The following EDIL3 variants were observed in gnomAD, a reference collection of about 807,000 sequenced individuals.
EDIL3 encodes the protein EGF like and discoidin domains 3.
Under a neutral mutation model 67.4 loss-of-function variants are expected in EDIL3, and 37 were observed. The ratio of observed to expected loss-of-function variants is 0.55; its 90% CI spans 0.42 to 0.72. EDIL3 has a LOEUF of 0.72. EDIL3 is among the 30% of genes least tolerant of loss of function. EDIL3 has a pLI of 0.00. For missense variants in EDIL3, 527 were observed against 586.3 expected, an observed-to-expected ratio of 0.90 and a Z score of 1.04; for synonymous variants, 195 against 196.3, an observed-to-expected ratio of 0.99 and a Z score of 0.05.
chr5:84,023,129 C>A (rs1745748324), intron 9 of EDIL3, among the ~76,000 whole-genome samples: 1 of 151,908 alleles, frequency 6.6e-6, no homozygotes, highest in Non-Finnish European at 1.5e-5. Flanking sequence ...TAACGTACAA[C>A]ACGAGTGATG....
chr5:84,148,314 A>G (rs893325800), intron 4 of EDIL3, among the ~76,000 whole-genome samples: 19 of 152,206 alleles, frequency 1.2e-4, no homozygotes, highest in African/African-American at 4.6e-4. Context: ...GAATTTTTAT[A>G]AATATTCTAC....
intron 9 of EDIL3, among the ~76,000 whole-genome samples, chr5:83,991,249 C>T (rs1208613615): frequency 6.6e-6 from 1 of 152,240 alleles, no homozygotes; most frequent in Admixed American, 6.5e-5. Flanking sequence ...CCTGGTTGAA[C>T]TGCAAGAAAC....
chr5:84,362,954 T>C (rs1747643881), intron 1 of EDIL3, among the ~76,000 whole-genome samples: 1 of 147,844 alleles, frequency 6.8e-6, no homozygotes, highest in African/African-American at 2.7e-5. Flanking sequence ...ATTTTATGTT[T>C]TTGTTTTTCT....
chr5:84,040,418 C>T (rs1746099175), intron 9 of EDIL3, among the ~76,000 whole-genome samples: 1 of 151,306 alleles, frequency 6.6e-6, no homozygotes, highest in African/African-American at 2.4e-5. Context: ...TTCAGAATAT[C>T]TGTTATTGTG....
At chr5:84,030,921 AAAC>A (rs1745909164) in intron 9 of EDIL3, among the ~76,000 whole-genome samples, 2 of 147,146 alleles carry the variant, frequency 1.4e-5, no homozygotes, top group African/African-American at 4.9e-5. Context: ...TGGCTTAAAA[AAAC>A]AACATTTTTT....
intron 7 of EDIL3, 45 bp downstream of exon 7, chr5:84,066,406 C>T (rs1746641544): frequency 6.5e-7 from 1 of 1,534,268 alleles, no homozygotes. Context: ...CAATAATTAT[C>T]AATGACATTT....
At chr5:84,095,608 A>C (rs778425614) in intron 6 of EDIL3, among the ~76,000 whole-genome samples, 7 of 152,242 alleles carry the variant, frequency 4.6e-5, no homozygotes, top group Non-Finnish European at 8.8e-5. Context: ...CTGGCAGAAG[A>C]AATTTCTAAG....
chr5:84,295,819 T>C (rs1272879539), intron 1 of EDIL3, among the ~76,000 whole-genome samples: 1 of 152,172 alleles, frequency 6.6e-6, no homozygotes, highest in Non-Finnish European at 1.5e-5. Flanking sequence ...AATGGAAGCA[T>C]TTTGAATACC....
intron 1 of EDIL3, among the ~76,000 whole-genome samples, chr5:84,255,668 C>A (rs1274837542): frequency 6.6e-6 from 1 of 152,090 alleles, no homozygotes; most frequent in Admixed American, 6.6e-5. Flanking sequence ...AAACTCTTTT[C>A]CAGATGAAGC....
chr5:84,250,745 G>A (rs896746414), intron 2 of EDIL3, among the ~76,000 whole-genome samples: 20 of 152,174 alleles, frequency 1.3e-4, no homozygotes, highest in Middle Eastern at 3.4e-3. Context: ...TTTAAAAACT[G>A]GGATCAAAAA....
intron 5 of EDIL3, among the ~76,000 whole-genome samples, chr5:84,107,802 T>C (rs1265877337): frequency 6.6e-6 from 1 of 150,440 alleles, no homozygotes; most frequent in Non-Finnish European, 1.5e-5. Context: ...TTATAAAATT[T>C]CAGCAGAAGG....
At chr5:84,164,965 G>A (rs1748679203) in intron 4 of EDIL3, among the ~76,000 whole-genome samples, 1 of 152,086 alleles carries the variant, frequency 6.6e-6, no homozygotes, top group South Asian at 2.1e-4. Context: ...TCCAGGCACA[G>A]AAAGAAAATC....
rs67762520 is a variant in EDIL3 at position 84,037,988 on chromosome 5, G to GTTTTTTTTTTTT, written c.1137+22300_1137+22311dup. ...TTCTCTTTTCTTTTCTTTCTTTCTTGTTTTTTTTTTTTTTTTTTTTTTTGA... is the reference window on the plus strand; with the variant it reads ...TTCTCTTTTCTTTTCTTTCTTTCTTGTTTTTTTTTTTTTTTTTTTTTTTTTTTTTTTTTTTGA... On this transcript the variant is annotated intron_variant, in intron 9 of 10. Coordinates refer to ENST00000296591, the MANE Select transcript of EDIL3 (RefSeq NM_005711.5). 1.3e-4 allele frequency among the ~76,000 whole-genome samples: 13 copies of GTTTTTTTTTTTT among 99,750 alleles called. 1 individual carries two copies. The highest frequency in any genetic ancestry group is 4.1e-4 in the African/African-American group (9 of 22,184). The allele number at this position is 99,750 out of a possible 152,430, so 65.4% of individuals were successfully genotyped here. A position where few individuals can be genotyped will look rare whatever the true frequency, so the allele number is the denominator to read the frequency against.
At chr5:84,321,627 GC>G (rs1174095767) in intron 1 of EDIL3, among the ~76,000 whole-genome samples, 1 of 152,090 alleles carries the variant, frequency 6.6e-6, no homozygotes, top group Non-Finnish European at 1.5e-5. Flanking sequence ...TAGAAGAGCA[GC>G]TTGCACACAG....
intron 9 of EDIL3, among the ~76,000 whole-genome samples, chr5:84,035,276 C>A (rs1746002160): frequency 6.6e-6 from 1 of 152,066 alleles, no homozygotes. Flanking sequence ...AGCAAAGATC[C>A]TGCTGATTAA....
chr5:84,184,998 C>A (rs1165496838), intron 3 of EDIL3, among the ~76,000 whole-genome samples: 1 of 152,074 alleles, frequency 6.6e-6, no homozygotes, highest in Non-Finnish European at 1.5e-5. Context: ...AAAGATTAAA[C>A]CTTTCTAGAG....
intron 6 of EDIL3, among the ~76,000 whole-genome samples, chr5:84,096,346 G>A (rs144801585): frequency 2.6e-5 from 4 of 152,276 alleles, no homozygotes; most frequent in African/African-American, 9.6e-5. Flanking sequence ...AGCCACAGAG[G>A]AGAAGATGCC....
chr5:84,382,463 C>T (rs2112227085), intron 1 of EDIL3, among the ~76,000 whole-genome samples: 1 of 152,240 alleles, frequency 6.6e-6, no homozygotes, highest in African/African-American at 2.4e-5. Flanking sequence ...GCACTATCTT[C>T]TCCTCTACCC....
chr5:84,254,848 C>G (rs1256576682), intron 1 of EDIL3, among the ~76,000 whole-genome samples: 1 of 152,074 alleles, frequency 6.6e-6, no homozygotes, highest in African/African-American at 2.4e-5. Context: ...ATAACAGAAA[C>G]CCCACAATAC....
Sources: gnomAD v4.1 joint callset for allele counts (sites outside exome capture counted in the v4.1 genomes callset) on GRCh38, gnomAD v4.1.1 for gene constraint, MANE v1.5 for transcripts, NCBI Gene and HGNC (gene_info 2026-07-23, HGNC 2026-07-21) for gene names.